Variants in RALYL observed in about 807,000 individuals in gnomAD.
The protein encoded by RALYL is RALY RNA binding protein like, also known as RNA-binding Raly-like protein.
RALYL carries 29 observed loss-of-function variants against 35.1 expected under a neutral mutation model. The observed-to-expected ratio is 0.83, with a 90% CI of 0.61 to 1.13. The LOEUF (loss-of-function observed/expected upper bound fraction) is 1.13. Among genes scored for constraint, RALYL ranks in the 50% most tolerant of loss-of-function variants. The pLI, the probability that RALYL is intolerant of heterozygous loss-of-function variation, is 0.00. For synonymous variants in RALYL, 120 were observed against 127.6 expected (o/e 0.94, Z 0.40); for missense variants, 359 against 360.4 (o/e 1.00, Z 0.03).
rs181715093 is a variant in RALYL at position 84,526,914 on chromosome 8, T to C, written c.-23-2385T>C. Among the ~76,000 whole-genome samples the C allele has an allele frequency of 3.9e-4, 60 of 152,360 alleles. 1 individual carries two copies. The highest frequency in any genetic ancestry group is 6.8e-3 in the Middle Eastern group (2 of 294). On this transcript the variant is annotated intron_variant, in intron 1 of 8. Transcript: ENST00000521268. ...ATGTCTTAAAAACAGTTGCTTCATCTATATTTCCCTGGTTTTCTATTTCTT... is the reference window on the plus strand; with the variant it reads ...ATGTCTTAAAAACAGTTGCTTCATCCATATTTCCCTGGTTTTCTATTTCTT...
intron 4 of RALYL, among the ~76,000 whole-genome samples, chr8:84,819,747 A>G (rs948589935): frequency 1.3e-5 from 2 of 152,232 alleles, no homozygotes; most frequent in East Asian, 1.9e-4. Flanking sequence ...ATATAGTGTT[A>G]CATGGAGGGA....
At chr8:84,835,862 G>C (rs1445182309) in intron 4 of RALYL, among the ~76,000 whole-genome samples, 1 of 147,840 alleles carries the variant, frequency 6.8e-6, no homozygotes, top group African/African-American at 2.5e-5. Context: ...TTTTTTTTTT[G>C]CACCAGAGTA....
intron 2 of RALYL, among the ~76,000 whole-genome samples, chr8:84,555,923 G>A (rs1490221668): frequency 2.6e-5 from 4 of 152,190 alleles, no homozygotes; most frequent in Non-Finnish European, 5.9e-5. Context: ...AATTTTCACT[G>A]TTTTAGATAA....
rs147359881 is a variant in RALYL, at chr8:84,847,802, TG to T, written c.366-2177del. 1.7e-3 allele frequency among the ~76,000 whole-genome samples: 265 copies of T among 152,296 alleles called. 8 individuals carry two copies. The East Asian group carries it at 0.047, about 27-fold the overall frequency. On this transcript the variant is annotated intron_variant, in intron 4 of 8. Transcript: ENST00000521268. Reference sequence around the variant, plus strand: ...TACAATGCTCAGTCTTCCATTCAGATGCTCAAATGGAGTAAGTTCTTACTTT... The same window carrying T: ...TACAATGCTCAGTCTTCCATTCAGATCTCAAATGGAGTAAGTTCTTACTTT...
intron 3 of RALYL, among the ~76,000 whole-genome samples, chr8:84,776,651 G>A (rs1816912274): frequency 7.0e-6 from 1 of 143,648 alleles, no homozygotes; most frequent in Non-Finnish European, 1.6e-5. Flanking sequence ...AAAACAAGCT[G>A]CCAATGGCTT....
intron 2 of RALYL, among the ~76,000 whole-genome samples, chr8:84,652,235 AGTCT>A (rs2131542801): frequency 6.6e-6 from 1 of 152,246 alleles, no homozygotes; most frequent in South Asian, 2.1e-4. Context: ...TAAATCAATC[AGTCT>A]GATACCTAAA....
In RALYL at chr8:84,300,323, G is replaced by GT. The variant is rs201781557; in HGVS notation, c.-24+115908dup. ...GAGTGTGATTGGTATGATTTCAGTT[G>GT]TTTTTTTTTAATTTACTCAGAATTG... On this transcript the variant is annotated intron_variant, in intron 1 of 8. Coordinates refer to ENST00000521268, the MANE Select transcript of RALYL (RefSeq NM_173848.7). Among the ~76,000 whole-genome samples, 197 of 150,094 alleles carry GT rather than the reference G, an allele frequency of 1.3e-3. 1 individual carries two copies. In the Middle Eastern group the frequency reaches 0.014, roughly 11 times the overall value.
At chr8:84,359,053 G>A (rs1457941388) in intron 1 of RALYL, among the ~76,000 whole-genome samples, 1 of 151,892 alleles carries the variant, frequency 6.6e-6, no homozygotes, top group East Asian at 1.9e-4. Flanking sequence ...ATGACAAATT[G>A]AAAAGTATAC....
At chr8:84,803,045 T>C (rs1823719186) in intron 3 of RALYL, among the ~76,000 whole-genome samples, 1 of 152,124 alleles carries the variant, frequency 6.6e-6, no homozygotes, top group Non-Finnish European at 1.5e-5. Flanking sequence ...AAGAATCACA[T>C]ACCAGTGAGA....
chr8:84,768,961 T>C (rs142668856), intron 2 of RALYL, among the ~76,000 whole-genome samples: 1 of 152,338 alleles, frequency 6.6e-6, no homozygotes, highest in East Asian at 1.9e-4. Flanking sequence ...TCAGAATCAC[T>C]GACAGTATAT....
chr8:84,908,441 A>G (rs1432849538), intron 8 of RALYL, among the ~76,000 whole-genome samples: 1 of 152,130 alleles, frequency 6.6e-6, no homozygotes, highest in Non-Finnish European at 1.5e-5. Context: ...TAGAAGTGAG[A>G]ACATGCAGTA....
At chr8:84,218,278 A>C (rs1381076296) in intron 1 of RALYL, among the ~76,000 whole-genome samples, 1 of 152,088 alleles carries the variant, frequency 6.6e-6, no homozygotes, top group Non-Finnish European at 1.5e-5. Context: ...CAGAGAAACT[A>C]TCAGGGCCAG....
chr8:84,440,449 T>C (rs751727523), intron 1 of RALYL, among the ~76,000 whole-genome samples: 1 of 152,024 alleles, frequency 6.6e-6, no homozygotes, highest in African/African-American at 2.4e-5. Context: ...CAGGATTGAT[T>C]TGGAGGGATT....
At chr8:84,792,063 G>T (rs1384598633) in intron 3 of RALYL, among the ~76,000 whole-genome samples, 1 of 152,252 alleles carries the variant, frequency 6.6e-6, no homozygotes, top group Non-Finnish European at 1.5e-5. Flanking sequence ...CCAGCATCCA[G>T]GGAAGGGAGC....
chr8:84,455,142 T>A (rs2049986661), intron 1 of RALYL, among the ~76,000 whole-genome samples: 1 of 152,018 alleles, frequency 6.6e-6, no homozygotes, highest in Non-Finnish European at 1.5e-5. Context: ...AGGCCTATTG[T>A]GTAAGTAAAT....
intron 5 of RALYL, among the ~76,000 whole-genome samples, chr8:84,856,602 G>A (rs962728403): frequency 9.2e-5 from 14 of 152,168 alleles, no homozygotes; most frequent in African/African-American, 3.4e-4. Context: ...GGTAGAGTGT[G>A]CCTTTTAAAA....
At chr8:84,835,455 T>C (rs1238451035) in intron 4 of RALYL, among the ~76,000 whole-genome samples, 1 of 144,928 alleles carries the variant, frequency 6.9e-6, no homozygotes, top group Non-Finnish European at 1.5e-5. Context: ...ATCATCTGAG[T>C]TCAGCAGTTC....
chr8:84,426,656 A>G (rs1354390023), intron 1 of RALYL, among the ~76,000 whole-genome samples: 1 of 152,164 alleles, frequency 6.6e-6, no homozygotes, highest in African/African-American at 2.4e-5. Context: ...TGGGCAAAAG[A>G]CCTGACTAGA....
intron 1 of RALYL, among the ~76,000 whole-genome samples, chr8:84,318,138 G>A (rs754310980): frequency 6.6e-6 from 1 of 151,914 alleles, no homozygotes; most frequent in Non-Finnish European, 1.5e-5. Context: ...ATAAGATGTG[G>A]GGCTTCTGTT....
Sources: allele counts gnomAD v4.1 joint callset (sites outside exome capture counted in the v4.1 genomes callset), GRCh38; gene constraint gnomAD v4.1.1; transcripts MANE v1.5; gene names NCBI Gene and HGNC (gene_info 2026-07-23, HGNC 2026-07-21).